RALGAPA2: variants seen among roughly 807,000 people sequenced by gnomAD.
The protein encoded by RALGAPA2 is Ral GTPase activating protein catalytic subunit alpha 2.
In RALGAPA2, 139 loss-of-function variants were observed where a neutral mutation model predicts 230.4. The ratio of observed to expected loss-of-function variants is 0.60; its 90% CI spans 0.53 to 0.69. RALGAPA2 has a LOEUF of 0.69. RALGAPA2 is among the 30% of genes least tolerant of loss of function. The pLI, the probability that RALGAPA2 is intolerant of heterozygous loss-of-function variation, is 0.00. For synonymous variants in RALGAPA2, 847 were observed against 837.8 expected (o/e 1.01, Z -0.19); for missense variants, 2,163 against 2,276.0 (o/e 0.95, Z 1.01).
intron 10 of RALGAPA2, among the ~76,000 whole-genome samples, chr20:20,628,111 A>G (rs1290011278): frequency 2.0e-5 from 3 of 152,250 alleles, no homozygotes. Context: ...CATTTTCTTA[A>G]GTAAAATTTT....
rs2060649357 is a variant in RALGAPA2, at chr20:20,437,885, C to T, written c.5496-25737G>A. Among the ~76,000 whole-genome samples the T allele has an allele frequency of 1.3e-5, 2 of 152,190 alleles. No individual in the cohort carries two copies. The highest frequency in any genetic ancestry group is 4.1e-4 in the South Asian group (2 of 4,822). ...GTATATCTAGCACCCAGAGAACAGG[C>T]CCCATACCTACAGAGTCTCAGAAAC... On this transcript the variant is annotated intron_variant, in intron 37 of 39. Transcript: ENST00000202677. This position sits in a 1 kb window ranked among gnomAD's most constrained non-coding sequence, Gnocchi z 4.1.
chr20:20,527,145 G>A (rs1057161738), intron 27 of RALGAPA2, among the ~76,000 whole-genome samples: 8 of 152,262 alleles, frequency 5.3e-5, no homozygotes, highest in Admixed American at 5.2e-4. Flanking sequence ...ATTATCTATA[G>A]CAGGAAAGGT....
intron 30 of RALGAPA2, among the ~76,000 whole-genome samples, chr20:20,522,546 C>T (rs764373582): frequency 3.9e-5 from 6 of 152,176 alleles, no homozygotes; most frequent in Non-Finnish European, 7.3e-5. Context: ...TATCCCTGGA[C>T]ATGGGTATGG....
chr20:20,422,320 T>C (rs1469165927), intron 37 of RALGAPA2, among the ~76,000 whole-genome samples: 4 of 152,128 alleles, frequency 2.6e-5, no homozygotes, highest in Admixed American at 2.6e-4. Flanking sequence ...GCCCCCAGGC[T>C]GGGTGCAATG....
intron 18 of RALGAPA2, 73 bp downstream of exon 18, chr20:20,589,195 A>G: frequency 7.0e-7 from 1 of 1,437,514 alleles, no homozygotes; most frequent in East Asian, 2.7e-5. Context: ...ACTGCCACCA[A>G]TAAATTTACT....
At position 20,567,126 on chromosome 20, in the gene RALGAPA2, C is replaced by T. The variant is rs553867495; in HGVS notation, c.3156+4332G>A. On this transcript the variant is annotated intron_variant, in intron 23 of 39. Coordinates refer to ENST00000202677, the MANE Select transcript of RALGAPA2 (RefSeq NM_020343.4). Reference sequence around the variant, plus strand: ...TGTAAGTCATTGTTAAAAAATAGCTCACTTATTTTAAGCAAAGAAAACCTT... The same window carrying T: ...TGTAAGTCATTGTTAAAAAATAGCTTACTTATTTTAAGCAAAGAAAACCTT... 1.4e-4 allele frequency among the ~76,000 whole-genome samples: 22 copies of T among 152,294 alleles called. No homozygotes were observed. In the South Asian group the frequency reaches 2.3e-3, roughly 16 times the overall value.
At chr20:20,458,543 ATATG>A (rs2061191712) in intron 37 of RALGAPA2, among the ~76,000 whole-genome samples, 1 of 137,636 alleles carries the variant, frequency 7.3e-6, no homozygotes, top group Non-Finnish European at 1.5e-5. Context: ...TATATAATAT[ATATG>A]TATTTTATAT....
chr20:20,661,220 G>T (rs1300150533), intron 3 of RALGAPA2, among the ~76,000 whole-genome samples: 1 of 152,028 alleles, frequency 6.6e-6, no homozygotes, highest in Non-Finnish European at 1.5e-5. Context: ...GAGCAATGGC[G>T]CAATCTTGGC....
chr20:20,487,224 C>T (rs2061934485), intron 36 of RALGAPA2, among the ~76,000 whole-genome samples: 1 of 152,268 alleles, frequency 6.6e-6, no homozygotes, highest in Non-Finnish European at 1.5e-5. Flanking sequence ...GGCTAACAGG[C>T]CGTGCTTCTT....
chr20:20,411,303 A>C (rs1272443531), intron 38 of RALGAPA2, among the ~76,000 whole-genome samples: 2 of 152,258 alleles, frequency 1.3e-5, no homozygotes, highest in Admixed American at 1.3e-4. Context: ...TATTATTTGA[A>C]AGAAACACAC....
chr20:20,483,727 A>C (rs1602504683), intron 36 of RALGAPA2, among the ~76,000 whole-genome samples: 1 of 152,340 alleles, frequency 6.6e-6, no homozygotes, highest in African/African-American at 2.4e-5. Context: ...TTAGAACTAC[A>C]AGCAACATGT....
intron 37 of RALGAPA2, among the ~76,000 whole-genome samples, chr20:20,454,550 A>G (rs573973866): frequency 3.3e-5 from 5 of 152,358 alleles, no homozygotes; most frequent in African/African-American, 1.2e-4. Flanking sequence ...AATCAAGATA[A>G]CTAGATATGG....
chr20:20,670,979 A>T (rs1364312791), intron 3 of RALGAPA2, among the ~76,000 whole-genome samples: 1 of 151,642 alleles, frequency 6.6e-6, no homozygotes, highest in Non-Finnish European at 1.5e-5. Context: ...AATATGATAA[A>T]CAACTCCATG....
intron 2 of RALGAPA2, among the ~76,000 whole-genome samples, chr20:20,679,816 T>C (rs1287307720): frequency 6.6e-6 from 1 of 152,204 alleles, no homozygotes; most frequent in Admixed American, 6.5e-5. Context: ...AACCACAGAA[T>C]TCTGTCTAAA....
rs1196655873 is a variant in RALGAPA2 at position 20,390,582 on chromosome 20, C to T, written c.*2707G>A. 1.3e-5 allele frequency: 2 copies of T among 152,042 alleles called. No individual in the cohort carries two copies. Among genetic ancestry groups the T allele is most frequent in the African/African-American group, 2.4e-5 (1 of 41,376 alleles). 9.4% of individuals were successfully genotyped at this position (152,042 alleles called of 1,614,324 possible). A position where few individuals can be genotyped will look rare whatever the true frequency, so the allele number is the denominator to read the frequency against. On this transcript the variant is annotated 3_prime_UTR_variant, in exon 40 of 40. Transcript: ENST00000202677. ...CAGATGGCTGACCTACTGGTACCAC[C>T]GTGATGAGTCAGCGCTGTGCCTCAG... is the stretch of plus-strand genomic sequence containing the variant.
At chr20:20,424,168 A>G (rs1231144346) in intron 37 of RALGAPA2, among the ~76,000 whole-genome samples, 2 of 152,126 alleles carry the variant, frequency 1.3e-5, no homozygotes, top group East Asian at 3.9e-4. Context: ...TTCCCAGGGG[A>G]TTGATTTGTG....
Position 20,392,801 on chromosome 20 carries a change from G to A in RALGAPA2, c.*488C>T. 5.3e-6 allele frequency: 1 copy of A among 188,724 alleles called. No individual in the cohort carries two copies. Among genetic ancestry groups the A allele is most frequent in the Non-Finnish European group, 1.1e-5 (1 of 89,068 alleles). 11.7% of individuals were successfully genotyped at this position (188,724 alleles called of 1,614,324 possible). A position where few individuals can be genotyped will look rare whatever the true frequency, so the allele number is the denominator to read the frequency against. The stretch of plus-strand genomic sequence containing the variant: ...GATTCCTCAATTAGACAATTGTTTT[G>A]CCAGCCCCTTTGTGAATCATGCTTG... On this transcript the variant is annotated 3_prime_UTR_variant, in exon 40 of 40. Transcript: ENST00000202677.
Position 20,489,800 on chromosome 20 carries a change from G to C in RALGAPA2, c.5367+5317C>G, listed in dbSNP as rs571105265. On this transcript the variant is annotated intron_variant, in intron 36 of 39. Coordinates refer to ENST00000202677, the MANE Select transcript of RALGAPA2 (RefSeq NM_020343.4). The stretch of plus-strand genomic sequence containing the variant: ...AGGCAGTCGCATGCCAAGGGGTCTG[G>C]GGAGTGTGCTGTCTCTTGAGCCAAA... Among the ~76,000 whole-genome samples, 86 of 152,314 alleles carry C rather than the reference G, an allele frequency of 5.6e-4. 1 individual carries two copies. The highest frequency in any genetic ancestry group is 1.0e-3 in the Non-Finnish European group (71 of 68,020).
intron 36 of RALGAPA2, among the ~76,000 whole-genome samples, chr20:20,479,976 CA>C (rs1346186988): frequency 2.0e-5 from 3 of 151,954 alleles, no homozygotes; most frequent in Non-Finnish European, 4.4e-5. Context: ...CCACCAGCAA[CA>C]AATGGTTAGA....
Sources: allele counts gnomAD v4.1 joint callset (sites outside exome capture counted in the v4.1 genomes callset), GRCh38; gene constraint gnomAD v4.1.1; non-coding constraint Gnocchi (gnomAD v3.1); transcripts MANE v1.5; gene names NCBI Gene and HGNC (gene_info 2026-07-23, HGNC 2026-07-21).